The following CDKAL1 variants were observed in gnomAD, a reference collection of about 807,000 sequenced individuals.
CDKAL1 encodes threonylcarbamoyladenosine tRNA methylthiotransferase.
Under a neutral mutation model 68.2 loss-of-function variants are expected in CDKAL1, and 32 were observed. The observed-to-expected ratio is 0.47, with a 90% CI of 0.35 to 0.63. The LOEUF (loss-of-function observed/expected upper bound fraction) is 0.63. CDKAL1 is among the 30% of genes least tolerant of loss of function. CDKAL1 has a pLI of 0.00. For synonymous variants in CDKAL1, 234 were observed against 244.3 expected, an observed-to-expected ratio of 0.96 and a Z score of 0.39; for missense variants, 606 against 696.7, an observed-to-expected ratio of 0.87 and a Z score of 1.47.
chr6:20,590,986 G>A (rs924517737), intron 4 of CDKAL1, among the ~76,000 whole-genome samples: 4 of 152,102 alleles, frequency 2.6e-5, no homozygotes, highest in Non-Finnish European at 5.9e-5. Context: ...GTGTAAAAGC[G>A]TTCCTATTTC....
chr6:20,934,623 A>G (rs113297584), intron 9 of CDKAL1, among the ~76,000 whole-genome samples: 1,882 of 152,044 alleles, frequency 0.012, 15 homozygotes, highest in Non-Finnish European at 0.019. Flanking sequence ...GACAGAAGGA[A>G]CACTTGAGCC....
rs79258773 is a variant in CDKAL1, at chr6:21,150,606, A to G, written c.1299+42143A>G. ...GTCAGTTAGCCAAACACTCTTATCA[A>G]TTAAACCAGTGACCTTGGGATTGAT... On this transcript the variant is annotated intron_variant, in intron 13 of 15. Transcript: ENST00000274695. 9.5e-3 allele frequency among the ~76,000 whole-genome samples: 1,449 copies of G among 152,284 alleles called. 17 individuals are homozygous for G. The highest frequency in any genetic ancestry group is 0.032 in the African/African-American group (1,313 of 41,552).
At chr6:20,914,154 G>T (rs1762610710) in intron 9 of CDKAL1, among the ~76,000 whole-genome samples, 1 of 152,108 alleles carries the variant, frequency 6.6e-6, no homozygotes, top group Non-Finnish European at 1.5e-5. Flanking sequence ...GCTGGGCGTG[G>T]TGGCAGGCGC....
chr6:21,197,033 C>T (rs1332636481), intron 13 of CDKAL1, among the ~76,000 whole-genome samples: 1 of 152,094 alleles, frequency 6.6e-6, no homozygotes, highest in African/African-American at 2.4e-5. Flanking sequence ...TGGCGCATGC[C>T]TGTAATCCCA....
rs774488970 is a variant in CDKAL1 at position 21,178,548 on chromosome 6, T to TAA, written c.1300-19472_1300-19471insAA. 1.6e-3 allele frequency among the ~76,000 whole-genome samples: 250 copies of TAA among 152,286 alleles called. 1 individual carries two copies. The highest frequency in any genetic ancestry group is 6.2e-3 in the South Asian group (30 of 4,828). ...TAATTTTATCTTGCATATAAGACCT[T>TAA]ACTTGGAAAAAAGAGAGGATCACAT... is the stretch of plus-strand genomic sequence containing the variant. On this transcript the variant is annotated intron_variant, in intron 13 of 15. Transcript: ENST00000274695.
intron 10 of CDKAL1, among the ~76,000 whole-genome samples, chr6:20,980,309 C>T (rs961789303): frequency 2.0e-5 from 3 of 152,106 alleles, no homozygotes; most frequent in African/African-American, 7.2e-5. Flanking sequence ...GCGATCTCGG[C>T]TCACTGCAAG....
At chr6:21,020,460 TTTTA>T (rs1284463686) in intron 11 of CDKAL1, among the ~76,000 whole-genome samples, 1 of 152,092 alleles carries the variant, frequency 6.6e-6, no homozygotes, top group African/African-American at 2.4e-5. Context: ...GTCTTTTTTA[TTTTA>T]TTTATTTATT....
At chr6:20,760,792 T>A (rs913208821) in intron 7 of CDKAL1, among the ~76,000 whole-genome samples, 2 of 151,318 alleles carry the variant, frequency 1.3e-5, no homozygotes, top group South Asian at 2.1e-4. Flanking sequence ...AATAATTTTT[T>A]AAAAAAATTA....
At chr6:20,834,908 G>A (rs559932377) in intron 8 of CDKAL1, among the ~76,000 whole-genome samples, 2 of 152,308 alleles carry the variant, frequency 1.3e-5, no homozygotes, top group East Asian at 3.9e-4. Flanking sequence ...TCACCCCATA[G>A]TGCCATAGCT....
intron 2 of CDKAL1, among the ~76,000 whole-genome samples, chr6:20,546,027 A>G (rs1196198961): frequency 6.6e-6 from 1 of 152,218 alleles, no homozygotes; most frequent in African/African-American, 2.4e-5. Context: ...TTAGGCTTTT[A>G]CGCTTCCTGT....
intron 8 of CDKAL1, among the ~76,000 whole-genome samples, chr6:20,814,003 G>T (rs974820574): frequency 6.6e-6 from 1 of 151,854 alleles, no homozygotes; most frequent in Non-Finnish European, 1.5e-5. Flanking sequence ...TTGAATTTAT[G>T]GATCACTTGG....
At chr6:20,987,442 A>G (rs1316349996) in intron 10 of CDKAL1, among the ~76,000 whole-genome samples, 3 of 152,014 alleles carry the variant, frequency 2.0e-5, no homozygotes, top group Admixed American at 6.6e-5. Context: ...TTTAGTAAAG[A>G]CGGGGTTTTA....
At chr6:20,732,876 T>C (rs1055674716) in intron 5 of CDKAL1, among the ~76,000 whole-genome samples, 1 of 152,198 alleles carries the variant, frequency 6.6e-6, no homozygotes, top group Non-Finnish European at 1.5e-5. Context: ...ATGAACCAAG[T>C]TTTTAAAGAC....
chr6:20,959,265 T>A (rs1455838256), intron 10 of CDKAL1, among the ~76,000 whole-genome samples: 1 of 152,168 alleles, frequency 6.6e-6, no homozygotes, highest in Non-Finnish European at 1.5e-5. Context: ...TTCATTTGAA[T>A]TATGATATAG....
intron 4 of CDKAL1, among the ~76,000 whole-genome samples, chr6:20,631,164 C>T (rs1042392437): frequency 2.6e-5 from 4 of 152,148 alleles, no homozygotes; most frequent in African/African-American, 9.7e-5. Flanking sequence ...TTCTGCCCAC[C>T]TGTTACGCCT....
At chr6:20,581,922 A>G (rs1765157261) in intron 4 of CDKAL1, among the ~76,000 whole-genome samples, 1 of 152,190 alleles carries the variant, frequency 6.6e-6, no homozygotes, top group Non-Finnish European at 1.5e-5. Context: ...AGGTACATAC[A>G]ATGCTGTCTT....
intron 4 of CDKAL1, among the ~76,000 whole-genome samples, chr6:20,647,100 C>A (rs1768507620): frequency 6.6e-6 from 1 of 152,148 alleles, no homozygotes; most frequent in Non-Finnish European, 1.5e-5. Flanking sequence ...TTATCATTAG[C>A]TAGCAGACAT....
intron 11 of CDKAL1, among the ~76,000 whole-genome samples, chr6:21,003,376 A>ACT (rs1767555109): frequency 9.0e-6 from 1 of 110,608 alleles, no homozygotes; most frequent in African/African-American, 3.4e-5. Context: ...ATATATACAC[A>ACT]CACACACACA....
At chr6:20,885,060 A>C (rs970673058) in intron 9 of CDKAL1, among the ~76,000 whole-genome samples, 2 of 152,234 alleles carry the variant, frequency 1.3e-5, no homozygotes, top group Non-Finnish European at 2.9e-5. Context: ...AGGGATAGGA[A>C]TACTTAATAT....
Sources: gnomAD v4.1 joint callset for allele counts (sites outside exome capture counted in the v4.1 genomes callset) on GRCh38, gnomAD v4.1.1 for gene constraint, MANE v1.5 for transcripts, NCBI Gene and HGNC (gene_info 2026-07-23, HGNC 2026-07-21) for gene names.